The following MGAT4C variants were observed in gnomAD, a reference collection of about 807,000 sequenced individuals.
MGAT4C encodes alpha-1,3-mannosyl-glycoprotein 4-beta-N-acetylglucosaminyltransferase C.
Under a neutral mutation model 40.1 loss-of-function variants are expected in MGAT4C, and 19 were observed. That is an observed-to-expected ratio of 0.47 (90% CI 0.33 to 0.70). The LOEUF (loss-of-function observed/expected upper bound fraction) is 0.70. Among genes scored for constraint, MGAT4C ranks in the 30% least tolerant of loss-of-function variants. The pLI is 0.02. For missense variants in MGAT4C, 491 were observed against 563.2 expected (o/e 0.87, Z 1.30); for synonymous variants, 181 against 187.1 (o/e 0.97, Z 0.27).
chr12:86,297,130 G>C (rs192406503), intron 4 of MGAT4C, among the ~76,000 whole-genome samples: 2 of 152,228 alleles, frequency 1.3e-5, no homozygotes, highest in African/African-American at 4.8e-5. Flanking sequence ...GAAGGAAATA[G>C]AAAAGATAAA....
At chr12:86,367,831 AAAC>A (rs1005921921) in intron 3 of MGAT4C, among the ~76,000 whole-genome samples, 8 of 144,602 alleles carry the variant, frequency 5.5e-5, no homozygotes, top group South Asian at 2.2e-4. Flanking sequence ...AACAAACAAA[AAAC>A]AACAACAACA....
upstream of MGAT4C, among the ~76,000 whole-genome samples, chr12:86,258,616 C>A (rs956450016): frequency 6.6e-6 from 1 of 151,890 alleles, no homozygotes; most frequent in African/African-American, 2.4e-5. Context: ...AATTTGTTTA[C>A]AAGTGAATAA....
chr12:86,809,996 C>T (rs770322549), intron 1 of MGAT4C, among the ~76,000 whole-genome samples: 1 of 151,950 alleles, frequency 6.6e-6, no homozygotes, highest in Non-Finnish European at 1.5e-5. Context: ...AATTCATGAA[C>T]AAAAGTTGTC....
chr12:86,776,755 C>A, intron 1 of MGAT4C, among the ~76,000 whole-genome samples: 1 of 151,946 alleles, frequency 6.6e-6, no homozygotes, highest in East Asian at 1.9e-4. Context: ...ATGAAACGAT[C>A]TAGTATAGTG....
chr12:86,181,423 A>C (rs551164064), intron 1 of MGAT4C, among the ~76,000 whole-genome samples: 1 of 152,318 alleles, frequency 6.6e-6, no homozygotes, highest in East Asian at 1.9e-4. Flanking sequence ...TAAGAAGTGG[A>C]AGTACTTGGA....
intron 1 of MGAT4C, among the ~76,000 whole-genome samples, chr12:86,814,917 C>T (rs565506408): frequency 6.6e-6 from 1 of 152,052 alleles, no homozygotes; most frequent in African/African-American, 2.4e-5. Context: ...GAGAAATAAA[C>T]TTTTATTGTT....
chr12:86,382,916 G>C (rs532583349), intron 3 of MGAT4C, among the ~76,000 whole-genome samples: 115 of 152,308 alleles, frequency 7.6e-4, no homozygotes, highest in Admixed American at 1.0e-3. Flanking sequence ...TGCTGCAGGG[G>C]CAAAGCCCTC....
At chr12:86,804,575 A>G (rs1256454949) in intron 1 of MGAT4C, among the ~76,000 whole-genome samples, 1 of 151,966 alleles carries the variant, frequency 6.6e-6, no homozygotes, top group African/African-American at 2.4e-5. Context: ...GTGACAAAAT[A>G]TAATACCTCA....
At chr12:86,029,464 A>G (rs1565881562) in intron 2 of MGAT4C, among the ~76,000 whole-genome samples, 1 of 151,972 alleles carries the variant, frequency 6.6e-6, no homozygotes, top group Non-Finnish European at 1.5e-5. Flanking sequence ...AAACCAGCAG[A>G]GTAAAATCTT....
chr12:86,552,609 T>A (rs77806967), intron 2 of MGAT4C, among the ~76,000 whole-genome samples: 1 of 152,158 alleles, frequency 6.6e-6, no homozygotes, highest in Non-Finnish European at 1.5e-5. Context: ...ATACATTATA[T>A]GTATCAAATA....
At chr12:86,454,355 G>A (rs552641719) in intron 2 of MGAT4C, among the ~76,000 whole-genome samples, 104 of 152,144 alleles carry the variant, frequency 6.8e-4, no homozygotes, top group Non-Finnish European at 1.1e-3. Context: ...AGCCTTTCAA[G>A]TAGCTGGAAC....
At chr12:86,304,193 T>C (rs1953880190) in intron 4 of MGAT4C, among the ~76,000 whole-genome samples, 1 of 150,678 alleles carries the variant, frequency 6.6e-6, no homozygotes, top group South Asian at 2.1e-4. Flanking sequence ...TGTCAAAAAA[T>C]AAAAATTGTT....
At chr12:86,714,133 C>T (rs1565943598) in intron 2 of MGAT4C, among the ~76,000 whole-genome samples, 1 of 152,020 alleles carries the variant, frequency 6.6e-6, no homozygotes, top group Non-Finnish European at 1.5e-5. Flanking sequence ...GGATAAAGGA[C>T]ATCTATTCCA....
chr12:86,538,974 T>A (rs866180753), intron 2 of MGAT4C, among the ~76,000 whole-genome samples: 2 of 152,130 alleles, frequency 1.3e-5, no homozygotes, highest in African/African-American at 2.4e-5. Flanking sequence ...TATGCATAAT[T>A]TAATAGGTTA....
chr12:86,506,057 G>A (rs1246644922), intron 2 of MGAT4C, among the ~76,000 whole-genome samples: 1 of 152,152 alleles, frequency 6.6e-6, no homozygotes, highest in Non-Finnish European at 1.5e-5. Flanking sequence ...AGGATATCTG[G>A]TAGATGCAAT....
At chr12:86,421,950 G>T (rs1025248210) in intron 3 of MGAT4C, among the ~76,000 whole-genome samples, 12 of 152,178 alleles carry the variant, frequency 7.9e-5, no homozygotes, top group Admixed American at 3.3e-4. Flanking sequence ...ATTCTGAAGA[G>T]TTATTCTCAA....
Position 86,038,540 on chromosome 12 carries a change from C to CTTTA in MGAT4C, c.-7+11130_-7+11133dup, listed in dbSNP as rs143349417. ...TTGATCTTTATTGTTTCAACCCTTG[C>CTTTA]TTTATTTATTTATTTATTTATTTAT... On this transcript the variant is annotated intron_variant, in intron 2 of 4. Transcript: ENST00000611864. Among the ~76,000 whole-genome samples, 398 of 144,192 alleles carry CTTTA rather than the reference C, an allele frequency of 2.8e-3. 16 individuals are homozygous for CTTTA. The highest frequency in any genetic ancestry group is 0.01 in the South Asian group (49 of 4,678). 94.6% of individuals were successfully genotyped at this position (144,192 alleles called of 152,430 possible). A position where few individuals can be genotyped will look rare whatever the true frequency, so the allele number is the denominator to read the frequency against.
intron 1 of MGAT4C, among the ~76,000 whole-genome samples, chr12:86,142,695 C>A (rs140420315): frequency 6.9e-4 from 104 of 150,704 alleles, no homozygotes; most frequent in African/African-American, 2.5e-3. Context: ...TGGAGAGAGG[C>A]ATTGTGGTCC....
intron 1 of MGAT4C, among the ~76,000 whole-genome samples, chr12:86,102,711 T>C (rs1284665173): frequency 6.6e-6 from 1 of 152,142 alleles, no homozygotes; most frequent in Admixed American, 6.6e-5. Flanking sequence ...CATTCTAATA[T>C]AATTATTCTT....
Sources: gnomAD v4.1 joint callset for allele counts (sites outside exome capture counted in the v4.1 genomes callset) on GRCh38, gnomAD v4.1.1 for gene constraint, MANE v1.5 for transcripts, NCBI Gene and HGNC (gene_info 2026-07-23, HGNC 2026-07-21) for gene names.